Variants in NDUFC2 observed in about 807,000 individuals in gnomAD.
NDUFC2 encodes the protein NADH dehydrogenase [ubiquinone] 1 subunit C2.
In NDUFC2, 2 loss-of-function variants were observed where a neutral mutation model predicts 10.1. The ratio of observed to expected loss-of-function variants is 0.20; its 90% CI spans 0.08 to 0.62. The LOEUF (loss-of-function observed/expected upper bound fraction) is 0.62. Among genes scored for constraint, NDUFC2 ranks in the 20% least tolerant of loss-of-function variants. NDUFC2 has a pLI of 0.87. For missense variants in NDUFC2, 156 were observed against 159.6 expected (o/e 0.98, Z 0.12); for synonymous variants, 61 against 63.6 (o/e 0.96, Z 0.20).
At chr11:78,070,120 AATCTT>A in intron 2 of NDUFC2, 84 bp from the exon 3 acceptor site, 1 of 973,020 alleles carries the variant, frequency 1.0e-6, no homozygotes, top group South Asian at 1.6e-5. Context: ...AACACTCACT[AATCTT>A]ATGATTGAAA....
intron 1 of NDUFC2, among the ~76,000 whole-genome samples, chr11:78,078,815 T>C (rs1449191275): frequency 1.3e-5 from 2 of 148,572 alleles, no homozygotes; most frequent in Non-Finnish European, 3.0e-5. Context: ...AACCTCTGCC[T>C]TCCAGGCTCA....
chr11:78,072,741 G>A lies in NDUFC2; in HGVS notation c.310+257C>T, dbSNP rs1415988827. 1.5e-5 allele frequency: 8 copies of A among 550,200 alleles called. No homozygotes were observed. The East Asian group carries it at 2.4e-4, about 17-fold the overall frequency. 34.1% of individuals were successfully genotyped at this position (550,200 alleles called of 1,614,324 possible). ...GGCTTGAGTGTCCAGGTGGACAGTA[G>A]TGCCATTCTCTGAAGCAGGACACAG... On this transcript the variant is annotated intron_variant, in intron 2 of 2. Transcript: ENST00000281031.
At chr11:78,072,625 C>G (rs1859058201) in intron 2 of NDUFC2, among the ~76,000 whole-genome samples, 1 of 152,124 alleles carries the variant, frequency 6.6e-6, no homozygotes, top group Admixed American at 6.5e-5. Flanking sequence ...GAGGAGAGTT[C>G]AAAGTTAAGA....
At chr11:78,070,176 TA>T in intron 2 of NDUFC2, 140 bp from the exon 3 acceptor site, 2 of 666,166 alleles carry the variant, frequency 3.0e-6, no homozygotes, top group Non-Finnish European at 2.6e-6. Flanking sequence ...CCAAAGTTCA[TA>T]AATTGAAATG....
intron 2 of NDUFC2, chr11:78,072,783 G>GCACA (rs1412043525): frequency 1.6e-6 from 1 of 640,924 alleles, no homozygotes; most frequent in Non-Finnish European, 2.6e-6. Context: ...AGGAGGTTTG[G>GCACA]GAAGGCAGAG....
Position 78,070,010 on chromosome 11 carries a change from CA to C in NDUFC2, c.336del (p.Phe112LeufsTer33). The C allele has an allele frequency of 6.2e-7, 1 of 1,602,274 alleles. No individual in the cohort carries two copies. The highest frequency in any genetic ancestry group is 8.5e-7 in the Non-Finnish European group (1 of 1,172,378). ...EEDKKTYGEI[F>X]EKFHPIR ...CTTCAACGTATTGGATGGAATTTTTCAAAAATTTCACCATATGTTTTCTTAT... is the reference window on the plus strand; with the variant it reads ...CTTCAACGTATTGGATGGAATTTTTCAAAATTTCACCATATGTTTTCTTAT... On this transcript the variant is annotated frameshift_variant, in exon 3 of 3. Coordinates refer to ENST00000281031, the MANE Select transcript of NDUFC2 (RefSeq NM_004549.6). LOFTEE classifies it high-confidence loss of function.
chr11:78,074,875 T>C (rs1036866181), intron 1 of NDUFC2, among the ~76,000 whole-genome samples: 3 of 152,156 alleles, frequency 2.0e-5, no homozygotes, highest in Admixed American at 2.0e-4. Context: ...AGAACCAGAC[T>C]CTCTCTACGC....
At chr11:78,074,990 C>G (rs1461823151) in intron 1 of NDUFC2, among the ~76,000 whole-genome samples, 5 of 152,214 alleles carry the variant, frequency 3.3e-5, no homozygotes, top group Non-Finnish European at 7.3e-5. Context: ...CCCCATTTTC[C>G]TAACCTCTCT....
rs990009426 is a variant in NDUFC2 at position 78,069,662 on chromosome 11, A to G, written c.*325T>C. 3.5e-6 allele frequency: 2 copies of G among 572,510 alleles called. No homozygotes were observed. The highest frequency in any genetic ancestry group is 6.0e-6 in the Non-Finnish European group (2 of 330,714). 35.5% of individuals were successfully genotyped at this position (572,510 alleles called of 1,614,324 possible). On this transcript the variant is annotated 3_prime_UTR_variant, in exon 3 of 3. Transcript: ENST00000281031. ...CTGCTCTTGCAGCATGGCAGTCGCC[A>G]TAAACAACATGTAAACAAATGAGCA...
In NDUFC2 at chr11:78,079,787, C is replaced by CT. The variant is rs773242419; in HGVS notation, c.-44dup. On this transcript the variant is annotated 5_prime_UTR_variant, in exon 1 of 3. Transcript: ENST00000281031. The stretch of plus-strand genomic sequence containing the variant: ...TTGAGGCCTGGTCTCAGACCACGAA[C>CT]TACAAGGAAAACCACGACGACCACT... 5 of 1,568,026 alleles carry CT rather than the reference C, an allele frequency of 3.2e-6. No homozygotes were observed. The African/African-American group carries it at 5.5e-5, about 17-fold the overall frequency.
At position 78,069,934 on chromosome 11, in the gene NDUFC2, C is replaced by T. The variant is rs1858921504; in HGVS notation, c.*53G>A. ...AACTGTCATAAGAAACATGTTCCAT[C>T]AAATTCAGAAACAGCAGGTATCAGT... is the stretch of plus-strand genomic sequence containing the variant. On this transcript the variant is annotated 3_prime_UTR_variant, in exon 3 of 3. Coordinates refer to ENST00000281031, the MANE Select transcript of NDUFC2 (RefSeq NM_004549.6). The T allele has an allele frequency of 6.2e-7, 1 of 1,613,556 alleles. No individual in the cohort carries two copies. The highest frequency in any genetic ancestry group is 1.6e-4 in the Middle Eastern group (1 of 6,062).
intron 1 of NDUFC2, among the ~76,000 whole-genome samples, chr11:78,078,709 C>T (rs576580585): frequency 9.4e-6 from 1 of 106,618 alleles, no homozygotes; most frequent in South Asian, 3.0e-4. Flanking sequence ...CCTCCCCAGA[C>T]CTCATGAATC....
chr11:78,079,637 C>A lies in NDUFC2; in HGVS notation c.108G>T (p.Leu36Phe), dbSNP rs1372579287. 14 of 1,585,210 alleles carry A rather than the reference C, an allele frequency of 8.8e-6. No homozygotes were observed. The highest frequency in any genetic ancestry group is 1.1e-5 in the Non-Finnish European group (13 of 1,166,346). ...TDPRLLYIGFLGYCSGLIDNL... is the reference protein window; with the variant it reads ...TDPRLLYIGFFGYCSGLIDNL... ...TATCAATCAGGCCGGAGCAGTAGCC[C>A]AAGAAGCCGATGTAGAGGAGCCGCG... The change falls in exon 1 of 3, where the codon TTG (leucine) becomes TTT (phenylalanine). Residue 36 changes from leucine (L) to phenylalanine (F), a missense_variant. Transcript: ENST00000281031.
intron 1 of NDUFC2, among the ~76,000 whole-genome samples, chr11:78,076,852 C>A (rs963679323): frequency 3.9e-5 from 6 of 152,220 alleles, no homozygotes; most frequent in African/African-American, 1.4e-4. Flanking sequence ...TCCCTCCCAA[C>A]TGTATCTCCT....
At chr11:78,079,356 C>T (rs979145446) in intron 1 of NDUFC2, among the ~76,000 whole-genome samples, 1 of 152,146 alleles carries the variant, frequency 6.6e-6, no homozygotes, top group Non-Finnish European at 1.5e-5. Context: ...AGACTCAGTT[C>T]CTGCTTCACT....
chr11:78,070,442 A>C (rs1042942477), intron 2 of NDUFC2, among the ~76,000 whole-genome samples: 1 of 152,192 alleles, frequency 6.6e-6, no homozygotes, highest in African/African-American at 2.4e-5. Context: ...TATATTACCC[A>C]GTCTATTCTG....
In NDUFC2 at chr11:78,072,834, A is replaced by G. The variant is rs1859067349; in HGVS notation, c.310+164T>C. 7 of 971,360 alleles carry G rather than the reference A, an allele frequency of 7.2e-6. No individual in the cohort carries two copies. The South Asian group carries it at 1.3e-4, about 17-fold the overall frequency. 60.2% of individuals were successfully genotyped at this position (971,360 alleles called of 1,614,324 possible). Reference sequence around the variant, plus strand: ...TTTGCTGTCCAAAGGACACGGAGGTAGTCAGAAACTGGATATATTAATTCA... The same window carrying G: ...TTTGCTGTCCAAAGGACACGGAGGTGGTCAGAAACTGGATATATTAATTCA... On this transcript the variant is annotated intron_variant, in intron 2 of 2. Coordinates refer to ENST00000281031, the MANE Select transcript of NDUFC2 (RefSeq NM_004549.6).
intron 1 of NDUFC2, among the ~76,000 whole-genome samples, chr11:78,075,205 A>T (rs1398145264): frequency 2.0e-5 from 3 of 152,252 alleles, no homozygotes; most frequent in African/African-American, 7.2e-5. Context: ...TTTCGGGCAC[A>T]TTAAGTGGTA....
Position 78,073,292 on chromosome 11 carries a change from G to A in NDUFC2, c.167-151C>T, listed in dbSNP as rs1013563110. The A allele has an allele frequency of 2.5e-5, 30 of 1,208,576 alleles. No homozygotes were observed. The Admixed American group carries it at 3.7e-4, about 15-fold the overall frequency. The allele number at this position is 1,208,576 out of a possible 1,614,324, so 74.9% of individuals were successfully genotyped here. A position where few individuals can be genotyped will look rare whatever the true frequency, so the allele number is the denominator to read the frequency against. On this transcript the variant is annotated intron_variant, in intron 1 of 2. Coordinates refer to ENST00000281031, the MANE Select transcript of NDUFC2 (RefSeq NM_004549.6). Reference sequence around the variant, plus strand: ...GGATCACCTGAGGTCAGGAGTTCGAGACCAGCCTGGCCAACATGGTGAAAC... The same window carrying A: ...GGATCACCTGAGGTCAGGAGTTCGAAACCAGCCTGGCCAACATGGTGAAAC...
Sources: gnomAD v4.1 joint callset for allele counts (sites outside exome capture counted in the v4.1 genomes callset) on GRCh38, gnomAD v4.1.1 for gene constraint, MANE v1.5 for transcripts, NCBI Gene and HGNC (gene_info 2026-07-23, HGNC 2026-07-21) for gene names.